FOLR2: variants seen among roughly 807,000 people sequenced by gnomAD.
The protein encoded by FOLR2 is folate receptor beta.
A neutral mutation model predicts 20.4 loss-of-function variants in FOLR2; 14 were observed. The ratio of observed to expected loss-of-function variants is 0.68; its 90% CI spans 0.45 to 1.07. The LOEUF (loss-of-function observed/expected upper bound fraction) is 1.07, where lower values mean the gene tolerates loss of function less well. FOLR2 is among the 50% of genes least tolerant of loss of function. FOLR2 has a pLI of 0.00. For synonymous variants in FOLR2, 114 were observed against 114.3 expected (o/e 1.00, Z 0.02); for missense variants, 269 against 322.6 (o/e 0.83, Z 1.27).
chr11:72,221,124 G>A (rs1238828320), intron 3 of FOLR2, 52 bp from the exon 4 acceptor site: 25 of 1,453,000 alleles, frequency 1.7e-5, no homozygotes, highest in South Asian at 3.5e-5. Flanking sequence ...CAAGGCGATG[G>A]CTGCCAGCAT....
At position 72,218,591 on chromosome 11, in the gene FOLR2, T is replaced by C; in HGVS notation, c.7T>C (p.Trp3Arg). Residue 3 changes from tryptophan to arginine, a missense_variant, in exon 2 of 5, where the codon TGG becomes CGG. By Grantham distance (101) the Trp-to-Arg change is moderately radical (BLOSUM62 -3). Coordinates refer to ENST00000298223, the MANE Select transcript of FOLR2 (RefSeq NM_000803.5). MV[W>R]KWMPLLLLLV... ...CCTGCAGGGACAGAAAGACATGGTC[T>C]GGAAATGGATGCCACTTCTGCTGCT... is the stretch of plus-strand genomic sequence containing the variant. 6.2e-7 allele frequency: 1 copy of C among 1,613,292 alleles called. No homozygotes were observed. Among genetic ancestry groups the C allele is most frequent in the Non-Finnish European group, 8.5e-7 (1 of 1,179,558 alleles).
At chr11:72,216,958 G>A (rs1948399875) in intron 1 of FOLR2, 33 bp downstream of exon 1, 1 of 1,598,412 alleles carries the variant, frequency 6.3e-7, no homozygotes, top group African/African-American at 1.3e-5. Flanking sequence ...GGGTGACAAG[G>A]GCAGTGGGGA....
At chr11:72,220,534 G>A (rs561788154) in intron 2 of FOLR2, among the ~76,000 whole-genome samples, 71 of 152,088 alleles carry the variant, frequency 4.7e-4, no homozygotes, top group Admixed American at 9.8e-4. Flanking sequence ...ATCTATAACC[G>A]TGACTGGCAT....
At position 72,218,643 on chromosome 11, in the gene FOLR2, G is replaced by A. The variant is rs773379401; in HGVS notation, c.59G>A (p.Ser20Asn). ...CTGGTCTGTGTAGCCACCATGTGCA[G>A]TGCCCAGGACAGGACTGATCTCCTC... is the stretch of plus-strand genomic sequence containing the variant. ...LLLVCVATMC[S>N]AQDRTDLLNV... is the part of the protein sequence containing the mutation. Residue 20 changes from serine (S) to asparagine (N), a missense_variant, in exon 2 of 5, where the codon AGT (serine) becomes AAT (asparagine). By Grantham distance (46) the Ser-to-Asn change is conservative (BLOSUM62 1). Coordinates refer to ENST00000298223, the MANE Select transcript of FOLR2 (RefSeq NM_000803.5). 1.9e-6 allele frequency: 3 copies of A among 1,613,386 alleles called. No homozygotes were observed. Among genetic ancestry groups the A allele is most frequent in the Non-Finnish European group, 2.5e-6 (3 of 1,179,606 alleles).
chr11:72,221,067 T>TCGGGGGGGG lies in FOLR2; in HGVS notation c.339+10_339+11insGGGGGGGGC. Reference sequence around the variant, plus strand: ...GGCCCTGGATCCAGCAGGTAGGGTGTCTCCCCCCCACCCACCCCAGCAGAC... The same window carrying TCGGGGGGGG: ...GGCCCTGGATCCAGCAGGTAGGGTGTCGGGGGGGGCTCCCCCCCACCCACCCCAGCAGAC... On this transcript the variant is annotated intron_variant, in intron 3 of 4. Transcript: ENST00000298223. 2.2e-5 allele frequency: 34 copies of TCGGGGGGGG among 1,569,800 alleles called. No homozygotes were observed. Among genetic ancestry groups the TCGGGGGGGG allele is most frequent in the African/African-American group, 2.8e-5 (2 of 71,414 alleles).
Position 72,221,530 on chromosome 11 carries a change from C to T in FOLR2, c.536C>T (p.Pro179Leu), listed in dbSNP as rs1565375606. 6.2e-7 allele frequency: 1 copy of T among 1,613,988 alleles called. No homozygotes were observed. Among genetic ancestry groups the T allele is most frequent in the Middle Eastern group, 1.7e-4 (1 of 6,002 alleles). ...ACCTTTGAGTCCTACTTCCCCACTCCAGCTGCCCTTTGTGAAGGCCTCTGG... is the reference window on the plus strand; with the variant it reads ...ACCTTTGAGTCCTACTTCCCCACTCTAGCTGCCCTTTGTGAAGGCCTCTGG... ...CRTFESYFPT[P>L]AALCEGLWSH... Residue 179 changes from proline (P) to leucine (L), a missense_variant, in exon 5 of 5, where the codon CCA becomes CTA. Physicochemically the swap from Pro to Leu is moderately conservative, Grantham distance 98. Transcript: ENST00000298223.
intron 1 of FOLR2, chr11:72,217,212 A>G: frequency 2.0e-6 from 1 of 503,334 alleles, no homozygotes; most frequent in Non-Finnish European, 3.5e-6. Context: ...TTTAGTAGAG[A>G]CGGGGTTTCA....
At chr11:72,221,352 G>A in intron 4 of FOLR2, 41 bp downstream of exon 4, 4 of 1,605,608 alleles carry the variant, frequency 2.5e-6, no homozygotes, top group Non-Finnish European at 2.6e-6. Context: ...AGGAGATTGA[G>A]GTAGGGTTTG....
chr11:72,221,928 C>T lies in FOLR2; in HGVS notation c.*166C>T, dbSNP rs1336658291. On this transcript the variant is annotated 3_prime_UTR_variant, in exon 5 of 5. Transcript: ENST00000298223. ...GGGGCCAAGAGTCACTTCTAATAAA[C>T]AGACTGTTTTCTAATAATTCCATGT... The T allele has an allele frequency of 3.1e-6, 2 of 641,732 alleles. No individual in the cohort carries two copies. The highest frequency in any genetic ancestry group is 4.2e-4 in the Middle Eastern group (1 of 2,366). 39.8% of individuals were successfully genotyped at this position (641,732 alleles called of 1,614,324 possible).
At chr11:72,220,759 C>A in intron 2 of FOLR2, 111 bp from the exon 3 acceptor site, 2 of 1,401,550 alleles carry the variant, frequency 1.4e-6, no homozygotes, top group South Asian at 1.3e-5. Flanking sequence ...TGAGTGTTCT[C>A]AGGACAACCT....
intron 2 of FOLR2, among the ~76,000 whole-genome samples, chr11:72,219,635 A>G (rs1948450335): frequency 6.6e-6 from 1 of 152,188 alleles, no homozygotes; most frequent in African/African-American, 2.4e-5. Flanking sequence ...GGTGACTTAA[A>G]CACTATAAGA....
rs1293683501 is a variant in FOLR2, at chr11:72,216,799, G to T, written c.-151G>T. 7 of 1,158,730 alleles carry T rather than the reference G, an allele frequency of 6.0e-6. No individual in the cohort carries two copies. The African/African-American group carries it at 1.1e-4, about 18-fold the overall frequency. 71.8% of individuals were successfully genotyped at this position (1,158,730 alleles called of 1,614,324 possible). On this transcript the variant is annotated 5_prime_UTR_variant, in exon 1 of 5. Transcript: ENST00000298223. ...GATTTCACTCAGTGCTTACCAGAGC[G>T]CGTTGTCTACCCTGTACCGAAGACA...
Position 72,221,814 on chromosome 11 carries a change from C to T in FOLR2, c.*52C>T. The T allele has an allele frequency of 6.5e-7, 1 of 1,541,784 alleles. No homozygotes were observed. The highest frequency in any genetic ancestry group is 8.8e-7 in the Non-Finnish European group (1 of 1,130,768). On this transcript the variant is annotated 3_prime_UTR_variant, in exon 5 of 5. Coordinates refer to ENST00000298223, the MANE Select transcript of FOLR2 (RefSeq NM_000803.5). ...TCAGCTTGGATAACCAGGCTGGGCT[C>T]AGCTCAGCTCCCACAAATGACAGCC...
intron 1 of FOLR2, 109 bp downstream of exon 1, chr11:72,217,034 G>T (rs76392662): frequency 8.0e-7 from 1 of 1,256,332 alleles, no homozygotes; most frequent in African/African-American, 1.5e-5. Flanking sequence ...GTATTGTATT[G>T]TATTTTTTGA....
rs1300053465 is a variant in FOLR2, at chr11:72,216,812, T to C, written c.-138T>C. The C allele has an allele frequency of 2.9e-6, 4 of 1,372,810 alleles. No homozygotes were observed. Among genetic ancestry groups the C allele is most frequent in the Non-Finnish European group, 4.1e-6 (4 of 976,724 alleles). 85.0% of individuals were successfully genotyped at this position (1,372,810 alleles called of 1,614,324 possible). A position where few individuals can be genotyped will look rare whatever the true frequency, so the allele number is the denominator to read the frequency against. On this transcript the variant is annotated 5_prime_UTR_variant, in exon 1 of 5. Transcript: ENST00000298223. ...GCTTACCAGAGCGCGTTGTCTACCC[T>C]GTACCGAAGACAGAGGCTGTGGGGA...
At position 72,218,557 on chromosome 11, in the gene FOLR2, C is replaced by G. The variant is rs764889104; in HGVS notation, c.-24-4C>G. 3 of 1,607,766 alleles carry G rather than the reference C, an allele frequency of 1.9e-6. No individual in the cohort carries two copies. In the Admixed American group the frequency reaches 5.1e-5, roughly 27 times the overall value. ...CCCCTCAGGACTTGGTTTCCCTACC[C>G]TAGCTCCGCCTGCAGGGACAGAAAG... On this transcript the variant is annotated splice_polypyrimidine_tract_variant and splice_region_variant and intron_variant, in intron 1 of 4. Transcript: ENST00000298223.
intron 1 of FOLR2, among the ~76,000 whole-genome samples, chr11:72,217,601 T>C (rs1051051315): frequency 6.6e-6 from 1 of 152,146 alleles, no homozygotes; most frequent in Admixed American, 6.5e-5. Context: ...TCCAGGACAC[T>C]AAGTGCTGGT....
Position 72,221,047 on chromosome 11 carries a change from T to C in FOLR2, c.328T>C (p.Trp110Arg), listed in dbSNP as rs758267564. The C allele has an allele frequency of 1.2e-6, 2 of 1,613,096 alleles. No individual in the cohort carries two copies. The highest frequency in any genetic ancestry group is 2.2e-5 in the East Asian group (1 of 44,860). Reference protein sequence around the residue: ...LYECSPNLGPWIQQVNQSWRK... With the variant: ...LYECSPNLGPRIQQVNQSWRK... Reference sequence around the variant, plus strand: ...TGAGTGCTCACCCAACCTGGGGCCCTGGATCCAGCAGGTAGGGTGTCTCCC... The same window carrying C: ...TGAGTGCTCACCCAACCTGGGGCCCCGGATCCAGCAGGTAGGGTGTCTCCC... Residue 110 changes from tryptophan to arginine, a missense_variant, in exon 3 of 5, where the codon TGG becomes CGG. Coordinates refer to ENST00000298223, the MANE Select transcript of FOLR2 (RefSeq NM_000803.5).
In FOLR2 at chr11:72,221,045, C is replaced by T; in HGVS notation, c.326C>T (p.Pro109Leu). The T allele has an allele frequency of 6.2e-7, 1 of 1,613,270 alleles. No homozygotes were observed. The highest frequency in any genetic ancestry group is 8.5e-7 in the Non-Finnish European group (1 of 1,179,740). ...TATGAGTGCTCACCCAACCTGGGGCCCTGGATCCAGCAGGTAGGGTGTCTC... is the reference window on the plus strand; with the variant it reads ...TATGAGTGCTCACCCAACCTGGGGCTCTGGATCCAGCAGGTAGGGTGTCTC... ...CLYECSPNLG[P>L]WIQQVNQSWR... is the part of the protein sequence containing the mutation. Residue 109 changes from proline to leucine, a missense_variant, in exon 3 of 5, where the codon CCC (proline) becomes CTC (leucine). By Grantham distance (98) the Pro-to-Leu change is moderately conservative. Coordinates refer to ENST00000298223, the MANE Select transcript of FOLR2 (RefSeq NM_000803.5).
Sources: allele counts gnomAD v4.1 joint callset (sites outside exome capture counted in the v4.1 genomes callset), GRCh38; gene constraint gnomAD v4.1.1; transcripts MANE v1.5; gene names NCBI Gene and HGNC (gene_info 2026-07-23, HGNC 2026-07-21).